The following TRIO variants were observed in gnomAD, a reference collection of about 807,000 sequenced individuals.
TRIO encodes triple functional domain protein.
Under a neutral mutation model 351.9 loss-of-function variants are expected in TRIO, and 58 were observed. The ratio of observed to expected loss-of-function variants is 0.16; its 90% CI spans 0.13 to 0.21. The LOEUF (loss-of-function observed/expected upper bound fraction) is 0.21. Among genes scored for constraint, TRIO ranks in the 10% least tolerant of loss-of-function variants. The probability of loss-of-function intolerance (pLI) is 1.00; values close to 1 mark genes in which losing one functional copy is unlikely to be tolerated. For synonymous variants in TRIO, 1,758 were observed against 1,595.7 expected (o/e 1.10, Z -2.42); for missense variants, 3,201 against 4,027.8 (o/e 0.79, Z 5.56).
intron 12 of TRIO, among the ~76,000 whole-genome samples, chr5:14,358,574 T>C (rs1483030615): frequency 1.3e-5 from 2 of 152,188 alleles, no homozygotes; most frequent in African/African-American, 4.8e-5. Context: ...GTTTTCATTA[T>C]AACATCGACT....
chr5:14,392,630 C>G (rs774984581), intron 27 of TRIO, among the ~76,000 whole-genome samples: 2 of 152,274 alleles, frequency 1.3e-5, no homozygotes, highest in Admixed American at 1.3e-4. Context: ...CATGCACACA[C>G]GTTTATTGCG....
At chr5:14,144,124 C>T (rs1787343103) in intron 1 of TRIO, among the ~76,000 whole-genome samples, 1 of 152,110 alleles carries the variant, frequency 6.6e-6, no homozygotes, top group Non-Finnish European at 1.5e-5. Flanking sequence ...ACCACCTCGC[C>T]CTCCCTGCGC....
At chr5:14,227,116 C>G (rs1194445091) in intron 1 of TRIO, among the ~76,000 whole-genome samples, 1 of 152,196 alleles carries the variant, frequency 6.6e-6, no homozygotes, top group Non-Finnish European at 1.5e-5. Context: ...GTTATCTTAA[C>G]AACTCAGTTT....
At chr5:14,260,979 A>T (rs1244229230) in intron 1 of TRIO, among the ~76,000 whole-genome samples, 1 of 152,144 alleles carries the variant, frequency 6.6e-6, no homozygotes, top group Non-Finnish European at 1.5e-5. Flanking sequence ...CTGGATGAGG[A>T]TTGCGGCTTC....
chr5:14,433,935 C>T (rs1276515350), intron 34 of TRIO, among the ~76,000 whole-genome samples: 1 of 152,180 alleles, frequency 6.6e-6, no homozygotes, highest in African/African-American at 2.4e-5. Context: ...TCCTTTGGCT[C>T]ATCTTAATTT....
Position 14,498,325 on chromosome 5 carries a change from T to A in TRIO, c.8210+74T>A. 4 of 1,573,050 alleles carry A rather than the reference T, an allele frequency of 2.5e-6. 1 individual carries two copies. The highest frequency in any genetic ancestry group is 8.7e-7 in the Non-Finnish European group (1 of 1,155,170). On this transcript the variant is annotated intron_variant, in intron 52 of 56. Coordinates refer to ENST00000344204, the MANE Select transcript of TRIO (RefSeq NM_007118.4). ...TTGTCACTTGGCAACTGGAAATTCC[T>A]CCTTCACGGATGGATTTCTTTGGCT...
At chr5:14,456,108 C>T (rs1333780782) in intron 34 of TRIO, among the ~76,000 whole-genome samples, 1 of 152,248 alleles carries the variant, frequency 6.6e-6, no homozygotes, top group African/African-American at 2.4e-5. Flanking sequence ...AGCTGCTGGC[C>T]CAGGTGCTAA....
intron 8 of TRIO, among the ~76,000 whole-genome samples, chr5:14,315,367 C>T (rs865986375): frequency 5.9e-5 from 9 of 151,940 alleles, no homozygotes; most frequent in African/African-American, 2.2e-4. Context: ...ATTCTCCTGC[C>T]TCAGCCTCCC....
intron 2 of TRIO, among the ~76,000 whole-genome samples, chr5:14,279,957 G>C (rs1394596705): frequency 6.6e-6 from 1 of 152,222 alleles, no homozygotes; most frequent in African/African-American, 2.4e-5. Context: ...ATGTGGGGGA[G>C]ACTGGCCTAG....
intron 34 of TRIO, among the ~76,000 whole-genome samples, chr5:14,444,820 A>C (rs1424833891): frequency 2.0e-5 from 3 of 152,214 alleles, no homozygotes; most frequent in Non-Finnish European, 4.4e-5. Flanking sequence ...TTTTAGAGTG[A>C]ATATAAAATC....
At chr5:14,254,197 C>G (rs535082073) in intron 1 of TRIO, among the ~76,000 whole-genome samples, 1 of 151,794 alleles carries the variant, frequency 6.6e-6, no homozygotes, top group East Asian at 1.9e-4. Context: ...CCCCTCCCCC[C>G]GCCTGAGACG....
chr5:14,309,414 C>T (rs900862991), intron 8 of TRIO, among the ~76,000 whole-genome samples: 9 of 152,338 alleles, frequency 5.9e-5, no homozygotes, highest in African/African-American at 2.2e-4. Context: ...ACCTCCACCC[C>T]TCACTTCCTC....
At position 14,467,377 on chromosome 5, in the gene TRIO, T is replaced by A. The variant is rs1454560284; in HGVS notation, c.5763+1737T>A. Among the ~76,000 whole-genome samples, 4 of 152,070 alleles carry A rather than the reference T, an allele frequency of 2.6e-5. No individual in the cohort carries two copies. In the East Asian group the frequency reaches 7.7e-4, roughly 29 times the overall value. On this transcript the variant is annotated intron_variant, in intron 37 of 56. Transcript: ENST00000344204. Reference sequence around the variant, plus strand: ...CAAATGGGAATTATATAAAGAAAAATTTGGACTGACGTGTCACCCTGCCAT... The same window carrying A: ...CAAATGGGAATTATATAAAGAAAAAATTGGACTGACGTGTCACCCTGCCAT...
At chr5:14,445,302 C>G (rs1251967045) in intron 34 of TRIO, among the ~76,000 whole-genome samples, 1 of 152,136 alleles carries the variant, frequency 6.6e-6, no homozygotes, top group Non-Finnish European at 1.5e-5. Flanking sequence ...TCATATAAAA[C>G]CATACAAATA....
chr5:14,476,015 T>G (rs924324508), intron 40 of TRIO, among the ~76,000 whole-genome samples: 1 of 151,470 alleles, frequency 6.6e-6, no homozygotes, highest in East Asian at 2.2e-4. Context: ...ATTTTGTCAC[T>G]GTGATGATAC....
chr5:14,410,840 A>C (rs1220198204), intron 33 of TRIO, among the ~76,000 whole-genome samples: 1 of 152,202 alleles, frequency 6.6e-6, no homozygotes, highest in Non-Finnish European at 1.5e-5. Context: ...TAGCCAGGCC[A>C]CGGCCATGAG....
chr5:14,387,358 G>T, intron 21 of TRIO, 80 bp from the exon 22 acceptor site: 3 of 1,428,724 alleles, frequency 2.1e-6, no homozygotes, highest in Non-Finnish European at 2.9e-6. Context: ...CTCAGAGTTG[G>T]AGTCAAGTCG....
At chr5:14,172,180 G>A (rs1292669561) in intron 1 of TRIO, among the ~76,000 whole-genome samples, 1 of 152,080 alleles carries the variant, frequency 6.6e-6, no homozygotes, top group Non-Finnish European at 1.5e-5. Context: ...GTGTCAGTTA[G>A]GTTTTAGAAA....
intron 8 of TRIO, among the ~76,000 whole-genome samples, chr5:14,308,178 AGAC>A (rs1309746634): frequency 6.6e-6 from 1 of 152,160 alleles, no homozygotes; most frequent in African/African-American, 2.4e-5. Flanking sequence ...CACTGCTTCT[AGAC>A]CCTCTTAGCA....
Sources: gnomAD v4.1 joint callset for allele counts (sites outside exome capture counted in the v4.1 genomes callset) on GRCh38, gnomAD v4.1.1 for gene constraint, MANE v1.5 for transcripts, NCBI Gene and HGNC (gene_info 2026-07-23, HGNC 2026-07-21) for gene names.